The following MUSK variants were observed in gnomAD, a reference collection of about 807,000 sequenced individuals.
The protein encoded by MUSK is muscle, skeletal receptor tyrosine-protein kinase.
In MUSK, 55 loss-of-function variants were observed where a neutral mutation model predicts 88.7. The ratio of observed to expected loss-of-function variants is 0.62; its 90% CI spans 0.50 to 0.78. The LOEUF (loss-of-function observed/expected upper bound fraction) is 0.78, where lower values mean the gene tolerates loss of function less well. MUSK is among the 30% of genes least tolerant of loss of function. MUSK has a pLI of 0.00. For missense variants in MUSK, 1,015 were observed against 1,074.3 expected, an observed-to-expected ratio of 0.94 and a Z score of 0.77; for synonymous variants, 387 against 391.9, an observed-to-expected ratio of 0.99 and a Z score of 0.15.
At chr9:110,690,780 A>G (rs2076341271) in intron 3 of MUSK, among the ~76,000 whole-genome samples, 2 of 97,140 alleles carry the variant, frequency 2.1e-5, no homozygotes, top group Non-Finnish European at 3.7e-5. Flanking sequence ...ATATTTAAAT[A>G]TAAGTATATA....
intron 6 of MUSK, among the ~76,000 whole-genome samples, chr9:110,746,837 A>T (rs571315289): frequency 5.9e-5 from 9 of 152,304 alleles, no homozygotes; most frequent in African/African-American, 1.9e-4. Flanking sequence ...CATGCCTCAG[A>T]GACAGACTTG....
At chr9:110,791,039 A>C (rs2077966018) in intron 14 of MUSK, among the ~76,000 whole-genome samples, 1 of 152,238 alleles carries the variant, frequency 6.6e-6, no homozygotes, top group South Asian at 2.1e-4. Context: ...AAGGAAGACA[A>C]AACGTGAAGA....
chr9:110,787,285 C>T (rs1298824860), intron 13 of MUSK, among the ~76,000 whole-genome samples: 1 of 146,162 alleles, frequency 6.8e-6, no homozygotes, highest in Non-Finnish European at 1.5e-5. Context: ...TGGTGTGAAC[C>T]CAGTATGTGG....
At chr9:110,688,898 T>G (rs1209708502) in intron 3 of MUSK, among the ~76,000 whole-genome samples, 1 of 148,462 alleles carries the variant, frequency 6.7e-6, no homozygotes, top group African/African-American at 2.5e-5. Context: ...GTTAACTGTT[T>G]TATTGTTTTT....
rs372968908 is a variant in MUSK, at chr9:110,768,135, A to C, written c.1184+52A>C. On this transcript the variant is annotated intron_variant, in intron 9 of 14. Coordinates refer to ENST00000374448, the MANE Select transcript of MUSK (RefSeq NM_005592.4). ...AAAAATTCCATTTTTCTATCTGCAC[A>C]ACAGAAGGAGTTTTTGAAAAATGTT... is the stretch of plus-strand genomic sequence containing the variant. 104 of 1,518,406 alleles carry C rather than the reference A, an allele frequency of 6.8e-5. No individual in the cohort carries two copies. The African/African-American group carries it at 1.1e-3, about 16-fold the overall frequency. The allele number at this position is 1,518,406 out of a possible 1,614,324, so 94.1% of individuals were successfully genotyped here. A position where few individuals can be genotyped will look rare whatever the true frequency, so the allele number is the denominator to read the frequency against.
chr9:110,725,315 G>T (rs938070262), intron 5 of MUSK, among the ~76,000 whole-genome samples: 1 of 151,924 alleles, frequency 6.6e-6, no homozygotes, highest in African/African-American at 2.4e-5. Flanking sequence ...TTTCATTCTT[G>T]TTAGGTGGAT....
At chr9:110,755,885 T>C (rs10121886) in intron 7 of MUSK, among the ~76,000 whole-genome samples, 110,468 of 143,138 alleles carry the variant, frequency 0.77, 42,990 homozygotes, top group Middle Eastern at 0.81. Context: ...AATAATAATG[T>C]TAACAATTGC....
At chr9:110,702,512 G>A (rs1436349877) in intron 5 of MUSK, among the ~76,000 whole-genome samples, 3 of 152,116 alleles carry the variant, frequency 2.0e-5, no homozygotes, top group Non-Finnish European at 2.9e-5. Flanking sequence ...GGTCATCTTA[G>A]GAGTGAATAT....
intron 6 of MUSK, among the ~76,000 whole-genome samples, chr9:110,743,992 G>A (rs554368516): frequency 2.0e-5 from 3 of 150,496 alleles, no homozygotes; most frequent in African/African-American, 7.3e-5. Context: ...TCCCCAAGAT[G>A]GAGTCTTGCT....
At chr9:110,761,077 C>T (rs1284778313) in intron 7 of MUSK, among the ~76,000 whole-genome samples, 1 of 152,154 alleles carries the variant, frequency 6.6e-6, no homozygotes. Context: ...ACGAAGTAAC[C>T]ATAAAGCACT....
intron 5 of MUSK, among the ~76,000 whole-genome samples, chr9:110,703,139 C>T (rs909770237): frequency 1.3e-5 from 2 of 152,090 alleles, no homozygotes; most frequent in African/African-American, 4.8e-5. Context: ...TGTTGTCCAA[C>T]ATAATATACA....
In MUSK at chr9:110,802,371, C is replaced by T. The variant is rs1329635224; in HGVS notation, c.*1383C>T. ...GCAGGAACCCAAATTCTCCTGAAAA[C>T]GAACAGGGAAGAGAAAATAACAGTC... On this transcript the variant is annotated 3_prime_UTR_variant, in exon 15 of 15. Transcript: ENST00000374448. Among the ~76,000 whole-genome samples, 1 of 152,012 alleles carries T rather than the reference C, an allele frequency of 6.6e-6. No homozygotes were observed. Among genetic ancestry groups the T allele is most frequent in the Non-Finnish European group, 1.5e-5 (1 of 68,008 alleles).
chr9:110,703,541 T>C (rs1450267545), intron 5 of MUSK, among the ~76,000 whole-genome samples: 2 of 151,556 alleles, frequency 1.3e-5, no homozygotes, highest in Non-Finnish European at 2.9e-5. Flanking sequence ...AAAAAAAAAT[T>C]AAATAAATAA....
chr9:110,749,901 T>C (rs1454180386), intron 7 of MUSK, among the ~76,000 whole-genome samples: 1 of 152,232 alleles, frequency 6.6e-6, no homozygotes, highest in Non-Finnish European at 1.5e-5. Flanking sequence ...GTCCAGGAGA[T>C]AATAGAATAC....
chr9:110,711,784 A>T (rs752396292), intron 5 of MUSK, among the ~76,000 whole-genome samples: 3 of 152,188 alleles, frequency 2.0e-5, no homozygotes, highest in Non-Finnish European at 2.9e-5. Context: ...GTCGTCAAGA[A>T]TCTTTGAGAT....
chr9:110,689,958 A>ATT (rs1314099728), intron 3 of MUSK, among the ~76,000 whole-genome samples: 1 of 74,920 alleles, frequency 1.3e-5, no homozygotes, highest in Non-Finnish European at 2.4e-5. Context: ...AAATATAAAT[A>ATT]TATATTTATA....
intron 14 of MUSK, among the ~76,000 whole-genome samples, chr9:110,790,649 T>C (rs1015754346): frequency 3.3e-5 from 5 of 152,048 alleles, no homozygotes; most frequent in African/African-American, 1.2e-4. Flanking sequence ...CTCTGTGAGG[T>C]AGGAATCAAG....
chr9:110,768,106 A>G (rs1479355640), intron 9 of MUSK, 23 bp downstream of exon 9: 1 of 1,575,874 alleles, frequency 6.3e-7, no homozygotes, highest in Non-Finnish European at 8.6e-7. Flanking sequence ...AAATAAGTCA[A>G]AGGAAAAATT....
At chr9:110,689,394 T>C (rs2076254548) in intron 3 of MUSK, among the ~76,000 whole-genome samples, 1 of 114,496 alleles carries the variant, frequency 8.7e-6, no homozygotes, top group Non-Finnish European at 1.6e-5. Context: ...AATATAAAAA[T>C]ATGTGAAAAA....
Sources: allele counts gnomAD v4.1 joint callset (sites outside exome capture counted in the v4.1 genomes callset), GRCh38; gene constraint gnomAD v4.1.1; transcripts MANE v1.5; gene names NCBI Gene and HGNC (gene_info 2026-07-23, HGNC 2026-07-21).